Variants in SCLT1 observed in about 807,000 individuals in gnomAD.
The protein encoded by SCLT1 is sodium channel-associated protein 1.
Under a neutral mutation model 112.8 loss-of-function variants are expected in SCLT1, and 78 were observed. That is an observed-to-expected ratio of 0.69 (90% confidence interval 0.58 to 0.83). The LOEUF (loss-of-function observed/expected upper bound fraction) is 0.83, where lower values mean the gene tolerates loss of function less well. Ranked by LOEUF, SCLT1 falls within the 40% of genes least tolerant of loss-of-function variation. The pLI is 0.00. For missense variants in SCLT1, 747 were observed against 770.4 expected, an observed-to-expected ratio of 0.97 and a Z score of 0.36; for synonymous variants, 257 against 254.7, an observed-to-expected ratio of 1.01 and a Z score of -0.09.
intron 4 of SCLT1, 85 bp from the exon 5 acceptor site, chr4:129,039,181 T>TTCTG (rs1389012703): frequency 1.1e-4 from 85 of 780,024 alleles, no homozygotes; most frequent in Middle Eastern, 2.3e-4. Context: ...AGCAATCAGA[T>TTCTG]TCTGACACTA....
At chr4:128,942,971 C>T (rs1737832236) in intron 17 of SCLT1, 25 bp downstream of exon 17, 3 of 1,528,694 alleles carry the variant, frequency 2.0e-6, no homozygotes, top group African/African-American at 1.4e-5. Context: ...CATAAGTACA[C>T]ATTTAACTCT....
At chr4:128,990,898 A>G (rs976804939) in intron 9 of SCLT1, among the ~76,000 whole-genome samples, 1 of 151,850 alleles carries the variant, frequency 6.6e-6, no homozygotes, top group African/African-American at 2.4e-5. Flanking sequence ...CTCTAAAAGA[A>G]AACTATAAAA....
At position 128,958,423 on chromosome 4, in the gene SCLT1, A is replaced by G. The variant is rs182577815; in HGVS notation, c.1047+1177T>C. Among the ~76,000 whole-genome samples, 9 of 152,286 alleles carry G rather than the reference A, an allele frequency of 5.9e-5. 1 individual carries two copies. In the East Asian group the frequency reaches 1.5e-3, roughly 26 times the overall value. ...GATGGGAACCCTCTAGCAATTAAGC[A>G]ATGAGTCAAAGAGCAGCTTAATATT... is the stretch of plus-strand genomic sequence containing the variant. On this transcript the variant is annotated intron_variant, in intron 12 of 20. Coordinates refer to ENST00000281142, the MANE Select transcript of SCLT1 (RefSeq NM_144643.4).
At chr4:128,930,768 A>G (rs1736691746) in intron 18 of SCLT1, among the ~76,000 whole-genome samples, 1 of 152,226 alleles carries the variant, frequency 6.6e-6, no homozygotes, top group Non-Finnish European at 1.5e-5. Flanking sequence ...GTAGAAATTA[A>G]GATAATAACA....
intron 4 of SCLT1, chr4:129,039,321 T>C (rs1747466174): frequency 2.5e-6 from 1 of 396,764 alleles, no homozygotes; most frequent in Non-Finnish European, 4.5e-6. Context: ...AAATATTTTA[T>C]GTAACATGGT....
chr4:128,967,101 A>G (rs1313179922), intron 10 of SCLT1, among the ~76,000 whole-genome samples: 1 of 152,162 alleles, frequency 6.6e-6, no homozygotes, highest in African/African-American at 2.4e-5. Context: ...AAGTGAGGAC[A>G]TGCGGTATTT....
chr4:129,007,175 C>T (rs1434942147), intron 5 of SCLT1, among the ~76,000 whole-genome samples: 1 of 151,482 alleles, frequency 6.6e-6, no homozygotes, highest in African/African-American at 2.4e-5. Context: ...TGGTCAATTT[C>T]AGAAAACTAT....
intron 9 of SCLT1, among the ~76,000 whole-genome samples, chr4:128,976,428 A>G (rs1741180854): frequency 6.6e-6 from 1 of 152,240 alleles, no homozygotes; most frequent in South Asian, 2.1e-4. Flanking sequence ...ATATTAATTC[A>G]TAATCTATTA....
At chr4:128,983,578 T>A (rs144011323) in intron 9 of SCLT1, among the ~76,000 whole-genome samples, 19 of 152,270 alleles carry the variant, frequency 1.2e-4, no homozygotes, top group Admixed American at 6.5e-4. Flanking sequence ...TTACCAAAAG[T>A]TGTTCTGCGG....
chr4:128,894,267 A>T (rs928517026), intron 18 of SCLT1, among the ~76,000 whole-genome samples: 2 of 151,786 alleles, frequency 1.3e-5, no homozygotes, highest in African/African-American at 4.8e-5. Context: ...AGTCAAGGTT[A>T]AAAAAACTTG....
At chr4:129,030,142 T>C (rs901507769) in intron 5 of SCLT1, among the ~76,000 whole-genome samples, 2 of 152,104 alleles carry the variant, frequency 1.3e-5, no homozygotes, top group Non-Finnish European at 2.9e-5. Context: ...AAATTAGAAC[T>C]CGGGATTAAG....
In SCLT1 at chr4:128,891,089, C is replaced by T; in HGVS notation, c.1878G>A (p.Gln626=). 6.2e-7 allele frequency: 1 copy of T among 1,613,072 alleles called. No individual in the cohort carries two copies. Among genetic ancestry groups the T allele is most frequent in the Non-Finnish European group, 8.5e-7 (1 of 1,179,464 alleles). The part of the protein sequence containing the change: ...QKLHTQELLS[Q]LEMANEKVAE... ...CTACCTTTTCATTTGCCATTTCCAG[C>T]TGAGAAAGCAGCTCTTGGGTATGAA... is the stretch of plus-strand genomic sequence containing the variant. The change falls in exon 19 of 21, where the codon CAG becomes CAA. Residue 626 remains glutamine (Q), a synonymous_variant. Coordinates refer to ENST00000281142, the MANE Select transcript of SCLT1 (RefSeq NM_144643.4).
At chr4:129,075,381 G>A (rs1452239784) in intron 2 of SCLT1, among the ~76,000 whole-genome samples, 2 of 151,958 alleles carry the variant, frequency 1.3e-5, no homozygotes, top group East Asian at 1.9e-4. Flanking sequence ...AAATGTTGAC[G>A]AACAGCATAA....
At chr4:129,062,174 T>C (rs1750048436) in intron 2 of SCLT1, among the ~76,000 whole-genome samples, 1 of 152,120 alleles carries the variant, frequency 6.6e-6, no homozygotes, top group African/African-American at 2.4e-5. Context: ...CTGGTCCCAG[T>C]TGGGGGTTGG....
chr4:129,068,609 T>C (rs774633768), intron 2 of SCLT1, among the ~76,000 whole-genome samples: 2 of 152,194 alleles, frequency 1.3e-5, no homozygotes, highest in Non-Finnish European at 2.9e-5. Flanking sequence ...GGCCTACTTT[T>C]TGATGGGATT....
intron 13 of SCLT1, among the ~76,000 whole-genome samples, chr4:128,953,766 T>C (rs568310306): frequency 7.7e-4 from 113 of 145,836 alleles, no homozygotes; most frequent in African/African-American, 2.8e-3. Context: ...GCCACTGCAC[T>C]CCAGCCTGGG....
At chr4:128,942,690 C>T (rs926186734) in intron 17 of SCLT1, among the ~76,000 whole-genome samples, 1 of 152,092 alleles carries the variant, frequency 6.6e-6, no homozygotes, top group Non-Finnish European at 1.5e-5. Flanking sequence ...GAGAGGAAGG[C>T]AGTCTGTAAA....
intron 11 of SCLT1, 103 bp downstream of exon 11, chr4:128,965,124 G>A (rs1365475505): frequency 3.2e-6 from 2 of 622,400 alleles, no homozygotes; most frequent in Non-Finnish European, 5.7e-6. Context: ...TTTTGATTTG[G>A]AGTTTATAAA....
At chr4:128,953,519 A>C (rs1738944591) in intron 13 of SCLT1, among the ~76,000 whole-genome samples, 1 of 152,152 alleles carries the variant, frequency 6.6e-6, no homozygotes, top group Non-Finnish European at 1.5e-5. Flanking sequence ...GCTATAAAGC[A>C]AGTCAAAATT....
Sources: gnomAD v4.1 joint callset for allele counts (sites outside exome capture counted in the v4.1 genomes callset) on GRCh38, gnomAD v4.1.1 for gene constraint, MANE v1.5 for transcripts, NCBI Gene and HGNC (gene_info 2026-07-23, HGNC 2026-07-21) for gene names.